Variants in TENM1 observed in about 807,000 individuals in gnomAD.
TENM1 encodes teneurin-1.
A neutral mutation model predicts 174.8 loss-of-function variants in TENM1; 35 were observed. The ratio of observed to expected loss-of-function variants is 0.20; its 90% CI spans 0.15 to 0.27. The LOEUF (loss-of-function observed/expected upper bound fraction) is 0.27. Ranked by LOEUF, TENM1 falls within the 10% of genes least tolerant of loss-of-function variation. The pLI is 1.00. For missense variants in TENM1, 1,633 were observed against 2,130.1 expected, an observed-to-expected ratio of 0.77 and a Z score of 4.59; for synonymous variants, 781 against 798.7, an observed-to-expected ratio of 0.98 and a Z score of 0.37.
the TENM1 span, among the ~76,000 whole-genome samples, chrX:125,154,838 G>A: frequency 9.2e-6 from 1 of 109,168 alleles, no homozygotes; most frequent in Non-Finnish European, 1.9e-5. Flanking sequence ...GGAGTTGTTC[G>A]TTCCTCCCGG....
intron 3 of TENM1, among the ~76,000 whole-genome samples, chrX:124,812,994 A>T (rs1242948399): frequency 9.0e-6 from 1 of 111,181 alleles, no homozygotes; most frequent in African/African-American, 3.3e-5. Flanking sequence ...ACACTCACAC[A>T]TACCCACAGA....
chrX:124,560,313 AGT>A (rs1288555011), intron 14 of TENM1, among the ~76,000 whole-genome samples: 1 of 108,300 alleles, frequency 9.2e-6, no homozygotes, highest in African/African-American at 3.4e-5. Context: ...CCTATTAGAC[AGT>A]GTGTGTCTAA....
chrX:124,778,421 A>G (rs1288279133), intron 3 of TENM1, among the ~76,000 whole-genome samples: 1 of 112,218 alleles, frequency 8.9e-6, no homozygotes, highest in Non-Finnish European at 1.9e-5. Context: ...ATGTGTCCGC[A>G]TGCCTAAACT....
intron 3 of TENM1, among the ~76,000 whole-genome samples, chrX:124,758,591 G>T (rs774400313): frequency 8.9e-6 from 1 of 111,787 alleles, no homozygotes; most frequent in Admixed American, 9.5e-5. Context: ...GCATTCTCAC[G>T]TCCATTGTAT....
chrX:124,754,971 TG>T (rs780481125), intron 3 of TENM1, among the ~76,000 whole-genome samples: 90 of 104,555 alleles, frequency 8.6e-4, no homozygotes, highest in Non-Finnish European at 1.7e-3. Flanking sequence ...TCTGTTGATT[TG>T]GGGTGGAGAG....
chrX:124,770,757 C>T (rs773336716), intron 3 of TENM1, among the ~76,000 whole-genome samples: 34 of 110,137 alleles, frequency 3.1e-4, no homozygotes, highest in African/African-American at 1.1e-3. Flanking sequence ...TCTCTCCATA[C>T]CAGTGTATAG....
chrX:124,463,878 G>T (rs112567073), intron 22 of TENM1, among the ~76,000 whole-genome samples: 182 of 84,863 alleles, frequency 2.1e-3, no homozygotes, highest in African/African-American at 5.9e-3. Flanking sequence ...TGTGTGTGTG[G>T]AGAGAGAGAG....
At chrX:124,883,497 C>T (rs899625438) in intron 3 of TENM1, among the ~76,000 whole-genome samples, 2 of 112,291 alleles carry the variant, frequency 1.8e-5, no homozygotes, top group Non-Finnish European at 3.8e-5. Context: ...CAAGGCAGTG[C>T]ATGCTGGCAC....
exon 32 of TENM1, chrX:124,380,306 T>C (rs2060141985): frequency 3.0e-6 from 1 of 329,559 alleles, no homozygotes; most frequent in South Asian, 9.9e-5. Context: ...GAGTTCTACT[T>C]GTGTTATTTT....
the TENM1 span, among the ~76,000 whole-genome samples, chrX:125,137,877 A>C: frequency 8.9e-6 from 1 of 111,807 alleles, no homozygotes; most frequent in East Asian, 2.8e-4. Context: ...GAATTTTGTA[A>C]GGGAAGGTTA....
At chrX:125,017,301 T>C in the TENM1 span, among the ~76,000 whole-genome samples, 1 of 112,112 alleles carries the variant, frequency 8.9e-6, no homozygotes, top group Non-Finnish European at 1.9e-5. Flanking sequence ...GAGAAAATTT[T>C]TGTAATCTTT....
chrX:124,591,009 C>T (rs957781344), intron 11 of TENM1, among the ~76,000 whole-genome samples: 4 of 111,911 alleles, frequency 3.6e-5, no homozygotes, highest in South Asian at 7.5e-4. Flanking sequence ...TATTTACTGT[C>T]GTTGGCTTAA....
chrX:124,604,897 C>T (rs145894734), intron 11 of TENM1, among the ~76,000 whole-genome samples: 77 of 109,176 alleles, frequency 7.1e-4, no homozygotes, highest in African/African-American at 1.8e-3. Flanking sequence ...TTTAAATAGA[C>T]GACGTTTATG....
chrX:124,718,801 T>A (rs2053244276), intron 4 of TENM1, among the ~76,000 whole-genome samples: 1 of 112,093 alleles, frequency 8.9e-6, no homozygotes, highest in South Asian at 3.7e-4. Context: ...GTACCAGGAC[T>A]AAGTTGGGAA....
At chrX:124,768,313 A>G (rs1264908665) in intron 3 of TENM1, among the ~76,000 whole-genome samples, 1 of 111,818 alleles carries the variant, frequency 8.9e-6, no homozygotes, top group African/African-American at 3.2e-5. Flanking sequence ...TTTGGGAGAT[A>G]AGTATTTTTT....
At chrX:124,934,343 C>T (rs2058215136) in intron 1 of TENM1, among the ~76,000 whole-genome samples, 2 of 112,138 alleles carry the variant, frequency 1.8e-5, no homozygotes, top group Non-Finnish European at 3.8e-5. Flanking sequence ...AAATGCAATT[C>T]TTACTAACAT....
rs563558589 is a variant in TENM1 at position 124,650,916 on chromosome X, C to T, written c.1579+998G>A. On this transcript the variant is annotated intron_variant, in intron 8 of 31. Coordinates refer to ENST00000422452, the Ensembl canonical transcript of TENM1. ...TTAGAAGAAAGTTTTGATAATCTTA[C>T]GGCTGAAATACCATTTTCTATTGAC... Among the ~76,000 whole-genome samples, 42 of 111,828 alleles carry T rather than the reference C, an allele frequency of 3.8e-4. No individual in the cohort carries two copies. The South Asian group carries it at 0.013, about 35-fold the overall frequency.
intron 3 of TENM1, among the ~76,000 whole-genome samples, chrX:124,835,043 A>T (rs5956700): frequency 9.0e-6 from 1 of 111,097 alleles, no homozygotes; most frequent in South Asian, 3.8e-4. Flanking sequence ...TCTGCCCTCA[A>T]CTCCCCAACA....
At chrX:124,900,201 T>TTAC (rs1394958214) in intron 1 of TENM1, among the ~76,000 whole-genome samples, 1 of 112,343 alleles carries the variant, frequency 8.9e-6, no homozygotes, top group Non-Finnish European at 1.9e-5. Flanking sequence ...TAATGGAATA[T>TTAC]TACTCAGTCC....
Sources: allele counts gnomAD v4.1 joint callset (sites outside exome capture counted in the v4.1 genomes callset), GRCh38; gene constraint gnomAD v4.1.1; transcripts MANE v1.5; gene names NCBI Gene and HGNC (gene_info 2026-07-23, HGNC 2026-07-21).